Variants in PRPF4 observed in about 807,000 individuals in gnomAD.
The protein encoded by PRPF4 is U4/U6 small nuclear ribonucleoprotein Prp4.
Under a neutral mutation model 72.2 loss-of-function variants are expected in PRPF4, and 14 were observed. That is an observed-to-expected ratio of 0.19 (90% CI 0.13 to 0.30). PRPF4 has a LOEUF of 0.30. Ranked by LOEUF, PRPF4 falls within the 10% of genes least tolerant of loss-of-function variation. The pLI is 1.00. For missense variants in PRPF4, 478 were observed against 653.9 expected (o/e 0.73, Z 2.93); for synonymous variants, 225 against 232.2 (o/e 0.97, Z 0.28).
chr9:113,288,383 G>A (rs1832511637), intron 10 of PRPF4, 119 bp downstream of exon 10: 3 of 879,202 alleles, frequency 3.4e-6, no homozygotes, highest in Admixed American at 5.0e-5. Flanking sequence ...TTCTTGGGCT[G>A]CAGGGAATTG....
chr9:113,286,928 G>T, intron 9 of PRPF4, 100 bp downstream of exon 9: 1 of 1,548,052 alleles, frequency 6.5e-7, no homozygotes, highest in African/African-American at 1.4e-5. Context: ...TTTAGGCCAT[G>T]CGCAGTGGCT....
chr9:113,285,566 G>A (rs938373473), intron 7 of PRPF4, among the ~76,000 whole-genome samples: 2 of 151,142 alleles, frequency 1.3e-5, no homozygotes, highest in Admixed American at 1.3e-4. Context: ...TTTTAGTAGA[G>A]ACAGGGTTTC....
chr9:113,279,776 G>T (rs1832220943), intron 3 of PRPF4, among the ~76,000 whole-genome samples: 1 of 152,142 alleles, frequency 6.6e-6, no homozygotes, highest in Non-Finnish European at 1.5e-5. Flanking sequence ...ATAAACATTT[G>T]TTGTTGGGCT....
chr9:113,283,413 C>T lies in PRPF4; in HGVS notation c.585C>T (p.Ala195=). ...LPRAMKRLEE[A]RLHKEIPETT... ...GGGCAATGAAACGCTTGGAAGAGGCCCGACTCCATAAGGAGATTCCTGAGA... is the reference window on the plus strand; with the variant it reads ...GGGCAATGAAACGCTTGGAAGAGGCTCGACTCCATAAGGAGATTCCTGAGA... Residue 195 remains alanine (A), a synonymous_variant, in exon 6 of 14, where the codon GCC becomes GCT. Transcript: ENST00000374198. 8.7e-6 allele frequency: 14 copies of T among 1,614,050 alleles called. No individual in the cohort carries two copies. The highest frequency in any genetic ancestry group is 1.2e-5 in the Non-Finnish European group (14 of 1,180,018).
Position 113,291,686 on chromosome 9 carries a change from C to G in PRPF4, c.*26C>G. On this transcript the variant is annotated 3_prime_UTR_variant, in exon 14 of 14. Coordinates refer to ENST00000374198, the MANE Select transcript of PRPF4 (RefSeq NM_001244926.2). ...ATGACAATGGGAAAAGGACTTGAAC[C>G]TCAAGCTCTCTCTAAGGAGCTGTTT... 6.2e-7 allele frequency: 1 copy of G among 1,607,010 alleles called. No individual in the cohort carries two copies. Among genetic ancestry groups the G allele is most frequent in the Non-Finnish European group, 8.5e-7 (1 of 1,174,284 alleles).
In PRPF4 at chr9:113,278,981, G is replaced by T. The variant is rs376657266; in HGVS notation, c.242G>T (p.Arg81Leu). The T allele has an allele frequency of 3.1e-6, 5 of 1,614,056 alleles. 1 individual carries two copies. In the African/African-American group the frequency reaches 6.7e-5, roughly 22 times the overall value. Residue 81 changes from arginine to leucine, a missense_variant, in exon 3 of 14, where the codon CGA (arginine) becomes CTA (leucine). Coordinates refer to ENST00000374198, the MANE Select transcript of PRPF4 (RefSeq NM_001244926.2). ...VFEIEEHISE[R>L]QAEVLAEFER... ...GAAATTGAAGAGCATATCAGCGAGC[G>T]ACAGGCAGAAGTATTGGCTGAGTTT...
At chr9:113,282,070 C>T (rs1832296775) in intron 3 of PRPF4, among the ~76,000 whole-genome samples, 1 of 152,084 alleles carries the variant, frequency 6.6e-6, no homozygotes, top group Non-Finnish European at 1.5e-5. Flanking sequence ...TGACTCTAAA[C>T]TGTATAGAGT....
At chr9:113,283,361 T>A (rs758360202) in intron 5 of PRPF4, 28 bp from the exon 6 acceptor site, 4 of 1,614,002 alleles carry the variant, frequency 2.5e-6, no homozygotes, top group Non-Finnish European at 3.4e-6. Flanking sequence ...ACCCTGTTGC[T>A]CCTGGTGATG....
rs543036003 is a variant in PRPF4, at chr9:113,285,586, G to A, written c.750-646G>A. ...GTAGAGACAGGGTTTCACCGTGTTA[G>A]CCAGGATGGGCTCGATCTCCTGACC... On this transcript the variant is annotated intron_variant, in intron 7 of 13. Coordinates refer to ENST00000374198, the MANE Select transcript of PRPF4 (RefSeq NM_001244926.2). 1.8e-4 allele frequency among the ~76,000 whole-genome samples: 27 copies of A among 151,514 alleles called. No individual in the cohort carries two copies. The South Asian group carries it at 4.2e-3, about 23-fold the overall frequency.
At position 113,283,488 on chromosome 9, in the gene PRPF4, A is replaced by G. The variant is rs768848083; in HGVS notation, c.654+6A>G. 1.2e-6 allele frequency: 2 copies of G among 1,613,396 alleles called. No homozygotes were observed. Among genetic ancestry groups the G allele is most frequent in the East Asian group, 2.2e-5 (1 of 44,878 alleles). ...AGCTGCACAAGTCTCTCCGGGTAAG[A>G]TGCTCCCAGCAATTGTCCCACATCT... On this transcript the variant is annotated splice_donor_region_variant and intron_variant, in intron 6 of 13. Transcript: ENST00000374198.
rs1316111617 is a variant in PRPF4, at chr9:113,291,112, A to G, written c.1372+96A>G. 12 of 1,251,094 alleles carry G rather than the reference A, an allele frequency of 9.6e-6. No individual in the cohort carries two copies. The East Asian group carries it at 2.8e-4, about 29-fold the overall frequency. 77.5% of individuals were successfully genotyped at this position (1,251,094 alleles called of 1,614,324 possible). ...CAGGCTTTAGCTTAACTGAGCAGTA[A>G]AACAGGAGAGAAATTGACCTACTGG... On this transcript the variant is annotated intron_variant, in intron 13 of 13. Transcript: ENST00000374198.
chr9:113,280,650 T>A (rs770904788), intron 3 of PRPF4, among the ~76,000 whole-genome samples: 2 of 152,190 alleles, frequency 1.3e-5, no homozygotes, highest in East Asian at 1.9e-4. Context: ...AAATCCTAGA[T>A]TGTCTTCTCA....
chr9:113,285,465 A>G (rs1021680268), intron 7 of PRPF4, among the ~76,000 whole-genome samples: 13 of 133,276 alleles, frequency 9.8e-5, no homozygotes, highest in South Asian at 7.2e-4. Flanking sequence ...TGCAAGCTCC[A>G]CCTCCTGGGT....
chr9:113,280,840 T>C (rs960980842), intron 3 of PRPF4, among the ~76,000 whole-genome samples: 1 of 152,144 alleles, frequency 6.6e-6, no homozygotes, highest in Non-Finnish European at 1.5e-5. Flanking sequence ...AGGCTTTTTT[T>C]CTTCCTTTTT....
intron 1 of PRPF4, 143 bp downstream of exon 1, chr9:113,275,913 A>C: frequency 8.9e-7 from 1 of 1,118,648 alleles, no homozygotes; most frequent in Non-Finnish European, 1.2e-6. Context: ...TGTCCTACAC[A>C]GCGGACCACC....
At chr9:113,288,112 G>A in intron 9 of PRPF4, 63 bp from the exon 10 acceptor site, 1 of 1,486,338 alleles carries the variant, frequency 6.7e-7, no homozygotes, top group Non-Finnish European at 9.3e-7. Flanking sequence ...TGCACAGAAG[G>A]TAAGCAGTTT....
intron 2 of PRPF4, among the ~76,000 whole-genome samples, 171 bp downstream of exon 2, chr9:113,276,896 C>G (rs1832119461): frequency 6.6e-6 from 1 of 151,974 alleles, no homozygotes; most frequent in Non-Finnish European, 1.5e-5. Context: ...CTCACTGCAA[C>G]CTCCGCCTCC....
chr9:113,282,016 T>A (rs1307166304), intron 3 of PRPF4, among the ~76,000 whole-genome samples: 1 of 152,208 alleles, frequency 6.6e-6, no homozygotes, highest in East Asian at 1.9e-4. Flanking sequence ...TGAGTGAAAG[T>A]TGGCAGTCTT....
At chr9:113,289,422 G>A (rs1320768377) in intron 10 of PRPF4, among the ~76,000 whole-genome samples, 5 of 152,116 alleles carry the variant, frequency 3.3e-5, no homozygotes, top group Admixed American at 6.5e-5. Flanking sequence ...TTTCCAAAGC[G>A]GTTACACCAT....
Sources: gnomAD v4.1 joint callset for allele counts (sites outside exome capture counted in the v4.1 genomes callset) on GRCh38, gnomAD v4.1.1 for gene constraint, MANE v1.5 for transcripts, NCBI Gene and HGNC (gene_info 2026-07-23, HGNC 2026-07-21) for gene names.